Variants in NELL2 observed in about 807,000 individuals in gnomAD.
The protein encoded by NELL2 is protein kinase C-binding protein NELL2.
NELL2 carries 41 observed loss-of-function variants against 109.6 expected under a neutral mutation model. That is an observed-to-expected ratio of 0.37 (90% CI 0.29 to 0.49). The LOEUF (loss-of-function observed/expected upper bound fraction) is 0.49, where lower values mean the gene tolerates loss of function less well. Ranked by LOEUF, NELL2 falls within the 20% of genes least tolerant of loss-of-function variation. NELL2 has a pLI of 0.98. For missense variants in NELL2, 900 were observed against 1,008.3 expected (o/e 0.89, Z 1.45); for synonymous variants, 355 against 344.7 (o/e 1.03, Z -0.33).
At chr12:44,723,203 A>G (rs570269430) in intron 9 of NELL2, among the ~76,000 whole-genome samples, 1 of 151,792 alleles carries the variant, frequency 6.6e-6, no homozygotes, top group African/African-American at 2.4e-5. Flanking sequence ...AAAAAAAAAA[A>G]CTCAATGCCC....
At position 44,780,006 on chromosome 12, in the gene NELL2, T is replaced by C; in HGVS notation, c.352A>G (p.Ser118Gly). The C allele has an allele frequency of 6.2e-7, 1 of 1,613,676 alleles. No individual in the cohort carries two copies. The highest frequency in any genetic ancestry group is 1.1e-5 in the South Asian group (1 of 91,066). The change falls in exon 4 of 20, where the codon AGT becomes GGT. Residue 118 changes from serine to glycine, a missense_variant. By Grantham distance (56) the Ser-to-Gly change is moderately conservative. Coordinates refer to ENST00000429094, the MANE Select transcript of NELL2 (RefSeq NM_001145108.2). ...CTGACTTCATTCCGATGGCCACTAC[T>C]TTCCAGTTCCAGGTACCTGCAGAGA... Reference protein sequence around the residue: ...HLDHRYLELESSGHRNEVRLH... With the variant: ...HLDHRYLELEGSGHRNEVRLH...
At chr12:44,651,983 G>A (rs1298465127) in intron 13 of NELL2, among the ~76,000 whole-genome samples, 2 of 152,100 alleles carry the variant, frequency 1.3e-5, no homozygotes, top group South Asian at 4.2e-4. Context: ...AATCTGGCTG[G>A]AAATCCAGAT....
intron 15 of NELL2, among the ~76,000 whole-genome samples, chr12:44,540,795 A>AAAAAAAAAAAAAAAAAAAAAAAC (rs1942522693): frequency 6.7e-6 from 1 of 150,268 alleles, no homozygotes; most frequent in South Asian, 2.1e-4. Context: ...AAAAAAAAAA[A>AAAAAAAAAAAAAAAAAAAAAAAC]AAAGCCCATC....
intron 3 of NELL2, 32 bp downstream of exon 3, chr12:44,815,953 GA>G: frequency 6.3e-7 from 1 of 1,590,538 alleles, no homozygotes; most frequent in Non-Finnish European, 8.5e-7. Context: ...CACATATAAT[GA>G]AAACACAGGA....
intron 1 of NELL2, among the ~76,000 whole-genome samples, chr12:44,910,415 C>A (rs1450898493): frequency 5.3e-5 from 8 of 151,864 alleles, no homozygotes; most frequent in Admixed American, 5.3e-4. Flanking sequence ...CAATGAGATA[C>A]CATCTCACAC....
At chr12:44,871,295 G>T (rs1038871850) in intron 2 of NELL2, among the ~76,000 whole-genome samples, 1 of 152,056 alleles carries the variant, frequency 6.6e-6, no homozygotes, top group African/African-American at 2.4e-5. Context: ...TGGTGATTAG[G>T]TCTGTAACTA....
upstream of NELL2, among the ~76,000 whole-genome samples, chr12:44,919,074 A>G (rs951693638): frequency 7.9e-5 from 12 of 152,216 alleles, no homozygotes; most frequent in African/African-American, 2.7e-4. Flanking sequence ...TCCTACTGCC[A>G]GATTTCTTCG....
intron 11 of NELL2, 23 bp downstream of exon 11, chr12:44,711,269 C>T (rs1938182704): frequency 6.4e-7 from 1 of 1,565,080 alleles, no homozygotes; most frequent in Middle Eastern, 1.7e-4. Context: ...GCACGTAAAC[C>T]TTACTTTTCA....
At position 44,693,481 on chromosome 12, in the gene NELL2, T is replaced by C. The variant is rs538679540; in HGVS notation, c.1318+10245A>G. ...GCCTGTATATGGATAGCATTGATTG[T>C]GTCTTCAATTAGCTTTGTATGAGAA... On this transcript the variant is annotated intron_variant, in intron 12 of 19. Coordinates refer to ENST00000429094, the MANE Select transcript of NELL2 (RefSeq NM_001145108.2). Among the ~76,000 whole-genome samples the C allele has an allele frequency of 5.4e-4, 82 of 152,304 alleles. 1 individual carries two copies. The highest frequency in any genetic ancestry group is 1.9e-3 in the African/African-American group (77 of 41,562).
Position 44,508,526 on chromosome 12 carries a change from T to A in NELL2, c.*408A>T, listed in dbSNP as rs1298439170. ...GCTTTACTTCTGAAAATATAATTCA[T>A]TCACTGCCTGACATTTTATTTCTTG... On this transcript the variant is annotated 3_prime_UTR_variant, in exon 20 of 20. Coordinates refer to ENST00000429094, the MANE Select transcript of NELL2 (RefSeq NM_001145108.2). 1 of 161,748 alleles carries A rather than the reference T, an allele frequency of 6.2e-6. No homozygotes were observed. Among genetic ancestry groups the A allele is most frequent in the Non-Finnish European group, 1.3e-5 (1 of 74,186 alleles). The allele number at this position is 161,748 out of a possible 1,614,324, so 10.0% of individuals were successfully genotyped here. A position where few individuals can be genotyped will look rare whatever the true frequency, so the allele number is the denominator to read the frequency against.
At chr12:44,556,556 C>A (rs954077384) in intron 15 of NELL2, among the ~76,000 whole-genome samples, 1 of 152,152 alleles carries the variant, frequency 6.6e-6, no homozygotes, top group Admixed American at 6.5e-5. Context: ...GGAGCAATTC[C>A]TCTACCTAAA....
chr12:44,754,327 A>G (rs1236328268), intron 9 of NELL2, among the ~76,000 whole-genome samples: 1 of 152,180 alleles, frequency 6.6e-6, no homozygotes, highest in Non-Finnish European at 1.5e-5. Flanking sequence ...TTTTTCAAAC[A>G]TTTACTCTAT....
chr12:44,862,152 TAGA>T (rs2136809233), intron 2 of NELL2, among the ~76,000 whole-genome samples: 1 of 152,250 alleles, frequency 6.6e-6, no homozygotes, highest in East Asian at 1.9e-4. Flanking sequence ...AGATCAAAAT[TAGA>T]AGTTTAACTC....
intron 13 of NELL2, among the ~76,000 whole-genome samples, chr12:44,646,594 T>G (rs1009736146): frequency 5.9e-5 from 9 of 152,190 alleles, no homozygotes; most frequent in African/African-American, 2.2e-4. Context: ...CTCAAAATAC[T>G]TTATTGTACT....
intron 2 of NELL2, among the ~76,000 whole-genome samples, chr12:44,864,309 T>A (rs79355803): frequency 0.021 from 3,146 of 152,118 alleles, 113 homozygotes; most frequent in East Asian, 0.18. Flanking sequence ...AAGACCCAGA[T>A]ACATGCCACC....
Position 44,606,188 on chromosome 12 carries a change from C to G in NELL2, c.1663+981G>C, listed in dbSNP as rs76377518. Among the ~76,000 whole-genome samples, 223 of 152,208 alleles carry G rather than the reference C, an allele frequency of 1.5e-3. 1 individual carries two copies. The East Asian group carries it at 0.031, about 21-fold the overall frequency. ...TGATGTAAGCCCTTTTGTGAGCATC[C>G]TTCTGTGCACAGTAGCAGATTCTAT... On this transcript the variant is annotated intron_variant, in intron 15 of 19. Coordinates refer to ENST00000429094, the MANE Select transcript of NELL2 (RefSeq NM_001145108.2).
intron 2 of NELL2, among the ~76,000 whole-genome samples, chr12:44,824,759 G>A (rs1234755198): frequency 6.7e-6 from 1 of 148,716 alleles, no homozygotes; most frequent in Non-Finnish European, 1.5e-5. Context: ...CGCCCAGGCA[G>A]GAGTGCAACG....
chr12:44,803,588 G>A (rs1289656265), intron 3 of NELL2, among the ~76,000 whole-genome samples: 1 of 151,860 alleles, frequency 6.6e-6, no homozygotes, highest in Non-Finnish European at 1.5e-5. Flanking sequence ...TTTTCTGTAG[G>A]TTTGCAGCTA....
At chr12:44,550,033 C>T (rs1372263008) in intron 15 of NELL2, among the ~76,000 whole-genome samples, 1 of 152,062 alleles carries the variant, frequency 6.6e-6, no homozygotes, top group Non-Finnish European at 1.5e-5. Context: ...GGTACTGGCA[C>T]AGAAACAGAC....
Sources: gnomAD v4.1 joint callset for allele counts (sites outside exome capture counted in the v4.1 genomes callset) on GRCh38, gnomAD v4.1.1 for gene constraint, MANE v1.5 for transcripts, NCBI Gene and HGNC (gene_info 2026-07-23, HGNC 2026-07-21) for gene names.